EIF5B: variants seen among roughly 807,000 people sequenced by gnomAD.
The protein encoded by EIF5B is eIF-5B.
EIF5B carries 47 observed loss-of-function variants against 147.5 expected under a neutral mutation model. The observed-to-expected ratio is 0.32, with a 90% CI of 0.25 to 0.41. The LOEUF is 0.41. Ranked by LOEUF, EIF5B falls within the 10% of genes least tolerant of loss-of-function variation. The pLI is 1.00. For synonymous variants in EIF5B, 455 were observed against 456.2 expected (o/e 1.00, Z 0.03); for missense variants, 1,064 against 1,413.2 (o/e 0.75, Z 3.96).
At chr2:99,368,654 CAA>C in intron 7 of EIF5B, 63 bp downstream of exon 7, 1 of 1,262,014 alleles carries the variant, frequency 7.9e-7, no homozygotes, top group Non-Finnish European at 1.1e-6. Context: ...CCACAATCTT[CAA>C]AACAGTGTCT....
chr2:99,384,516 C>T (rs958372222), intron 14 of EIF5B, among the ~76,000 whole-genome samples: 2 of 152,190 alleles, frequency 1.3e-5, no homozygotes, highest in Admixed American at 1.3e-4. Context: ...ACATTTTATA[C>T]GGCTATAGCT....
At chr2:99,342,806 A>T (rs1264320629) in intron 1 of EIF5B, among the ~76,000 whole-genome samples, 2 of 151,556 alleles carry the variant, frequency 1.3e-5, no homozygotes, top group Non-Finnish European at 2.9e-5. Context: ...TAATTTTTAA[A>T]AATTTTTTGT....
intron 6 of EIF5B, 35 bp from the exon 7 acceptor site, chr2:99,368,458 G>T: frequency 6.7e-7 from 1 of 1,496,688 alleles, no homozygotes; most frequent in Non-Finnish European, 9.3e-7. Flanking sequence ...CATGCAAGTA[G>T]TATAAGCCTG....
At chr2:99,379,551 C>G (rs1474301107) in intron 12 of EIF5B, 123 bp downstream of exon 12, 3 of 685,544 alleles carry the variant, frequency 4.4e-6, no homozygotes, top group Middle Eastern at 3.5e-4. Context: ...TCAGAATTAA[C>G]ATGTACTATT....
chr2:99,392,337 G>T (rs1331407070), intron 17 of EIF5B, among the ~76,000 whole-genome samples: 2 of 152,010 alleles, frequency 1.3e-5, no homozygotes, highest in Non-Finnish European at 2.9e-5. Context: ...ACCGCACCCG[G>T]CCCAGTTTTT....
intron 23 of EIF5B, 93 bp downstream of exon 23, chr2:99,399,002 AT>A (rs1281297504): frequency 1.4e-6 from 2 of 1,422,934 alleles, no homozygotes; most frequent in Non-Finnish European, 1.9e-6. Context: ...CTTCAGTTTG[AT>A]TGTAGAATCT....
rs1441099260 is a variant in EIF5B at position 99,367,577 on chromosome 2, T to C, written c.1289-916T>C. 1.1e-4 allele frequency among the ~76,000 whole-genome samples: 17 copies of C among 152,016 alleles called. No individual in the cohort carries two copies. In the East Asian group the frequency reaches 3.1e-3, roughly 28 times the overall value. ...TCAGCCTCCTGAGTAGCTGGGATTATAGGCACCCACCACCACAATATATAT... is the reference window on the plus strand; with the variant it reads ...TCAGCCTCCTGAGTAGCTGGGATTACAGGCACCCACCACCACAATATATAT... On this transcript the variant is annotated intron_variant, in intron 6 of 23. Transcript: ENST00000289371.
At chr2:99,366,013 T>C (rs572148941) in intron 6 of EIF5B, among the ~76,000 whole-genome samples, 1 of 152,306 alleles carries the variant, frequency 6.6e-6, no homozygotes, top group South Asian at 2.1e-4. Context: ...TCTGCAGGTG[T>C]CTTCATATAA....
intron 6 of EIF5B, 122 bp from the exon 7 acceptor site, chr2:99,368,371 A>G: frequency 1.4e-6 from 1 of 728,782 alleles, no homozygotes; most frequent in South Asian, 1.7e-5. Context: ...TTTTTCCATG[A>G]ATATCCTTTC....
intron 1 of EIF5B, chr2:99,338,458 G>C (rs1026156989): frequency 5.0e-6 from 3 of 602,192 alleles, no homozygotes; most frequent in Non-Finnish European, 2.7e-6. Context: ...AATACGAGGC[G>C]GAGAGTAAGG....
At chr2:99,387,132 T>A (rs1443836710) in intron 14 of EIF5B, among the ~76,000 whole-genome samples, 1 of 152,100 alleles carries the variant, frequency 6.6e-6, no homozygotes, top group Non-Finnish European at 1.5e-5. Flanking sequence ...GGTCTTGAGC[T>A]CCTGACATCA....
chr2:99,399,571 C>T lies in EIF5B; in HGVS notation c.*157C>T. The T allele has an allele frequency of 4.7e-6, 3 of 633,522 alleles. 1 individual carries two copies. Among genetic ancestry groups the T allele is most frequent in the South Asian group, 3.8e-5 (2 of 52,294 alleles). 39.2% of individuals were successfully genotyped at this position (633,522 alleles called of 1,614,324 possible). A position where few individuals can be genotyped will look rare whatever the true frequency, so the allele number is the denominator to read the frequency against. On this transcript the variant is annotated 3_prime_UTR_variant, in exon 24 of 24. Transcript: ENST00000289371. Reference sequence around the variant, plus strand: ...TGTATAAAATGTTTTCCATGAGAAACCAAGAAACTTACACTGGTTTGACAG... The same window carrying T: ...TGTATAAAATGTTTTCCATGAGAAATCAAGAAACTTACACTGGTTTGACAG...
intron 3 of EIF5B, 46 bp downstream of exon 3, chr2:99,360,595 C>T (rs756620581): frequency 3.0e-5 from 48 of 1,574,688 alleles, no homozygotes; most frequent in Non-Finnish European, 3.9e-5. Context: ...GTATTCTATT[C>T]TTTCTTCTTA....
At chr2:99,382,739 C>T (rs757206514) in intron 13 of EIF5B, 41 bp from the exon 14 acceptor site, 3 of 1,540,688 alleles carry the variant, frequency 1.9e-6, no homozygotes, top group Non-Finnish European at 2.6e-6. Context: ...GTATTAATTT[C>T]AAGATTTTCT....
At position 99,344,076 on chromosome 2, in the gene EIF5B, G is replaced by A. The variant is rs200016443; in HGVS notation, c.35+6487G>A. ...TGGGACCACAGGCACCTGCTACCAC[G>A]CCTGGCTAGTTTTTTTGTATTTTTA... On this transcript the variant is annotated intron_variant, in intron 1 of 23. Transcript: ENST00000289371. Among the ~76,000 whole-genome samples the A allele has an allele frequency of 3.2e-4, 49 of 151,744 alleles. 1 individual carries two copies. In the East Asian group the frequency reaches 8.0e-3, roughly 25 times the overall value.
chr2:99,339,260 G>T (rs1188013971), intron 1 of EIF5B, among the ~76,000 whole-genome samples: 1 of 151,614 alleles, frequency 6.6e-6, no homozygotes, highest in Non-Finnish European at 1.5e-5. Context: ...TGATCCGCCC[G>T]CCTCGGCCTC....
intron 1 of EIF5B, among the ~76,000 whole-genome samples, chr2:99,358,623 G>C (rs1169864553): frequency 6.6e-6 from 1 of 152,094 alleles, no homozygotes; most frequent in Non-Finnish European, 1.5e-5. Flanking sequence ...TCTTGGGTGG[G>C]GTCAATAAAT....
intron 14 of EIF5B, among the ~76,000 whole-genome samples, chr2:99,388,427 G>GT (rs930854369): frequency 1.1e-5 from 1 of 90,286 alleles, no homozygotes; most frequent in Non-Finnish European, 2.2e-5. Context: ...CAGGGTTTTT[G>GT]TTTTTTTGGT....
intron 1 of EIF5B, chr2:99,338,235 A>T: frequency 9.3e-7 from 1 of 1,078,966 alleles, no homozygotes; most frequent in Non-Finnish European, 1.3e-6. Flanking sequence ...AAGAAGAAGA[A>T]ACCAACCAAC....
Sources: allele counts gnomAD v4.1 joint callset (sites outside exome capture counted in the v4.1 genomes callset), GRCh38; gene constraint gnomAD v4.1.1; transcripts MANE v1.5; gene names NCBI Gene and HGNC (gene_info 2026-07-23, HGNC 2026-07-21).